DCDC2: variants seen among roughly 807,000 people sequenced by gnomAD.
The protein encoded by DCDC2 is doublecortin domain containing 2.
DCDC2 carries 40 observed loss-of-function variants against 50.2 expected under a neutral mutation model. That is an observed-to-expected ratio of 0.80 (90% CI 0.62 to 1.04). The LOEUF is 1.04. DCDC2 is among the 50% of genes least tolerant of loss of function. DCDC2 has a pLI of 0.00. For missense variants in DCDC2, 570 were observed against 581.9 expected (o/e 0.98, Z 0.21); for synonymous variants, 234 against 210.6 (o/e 1.11, Z -0.96).
intron 7 of DCDC2, among the ~76,000 whole-genome samples, chr6:24,266,255 T>G (rs1289336599): frequency 6.6e-6 from 1 of 152,088 alleles, no homozygotes; most frequent in Non-Finnish European, 1.5e-5. Context: ...AAGAAAACAT[T>G]GGGGAAACTC....
chr6:24,333,732 T>C (rs1760008126), intron 2 of DCDC2, among the ~76,000 whole-genome samples: 1 of 152,194 alleles, frequency 6.6e-6, no homozygotes, highest in South Asian at 2.1e-4. Context: ...AGTGTTTCCA[T>C]ATTCTGGATG....
At chr6:24,258,088 C>A (rs945670359) in intron 7 of DCDC2, among the ~76,000 whole-genome samples, 1 of 152,212 alleles carries the variant, frequency 6.6e-6, no homozygotes, top group Non-Finnish European at 1.5e-5. Flanking sequence ...TGGGTTCCTT[C>A]GGGTGGGTTC....
At chr6:24,264,535 A>T (rs1763077273) in intron 7 of DCDC2, among the ~76,000 whole-genome samples, 1 of 152,176 alleles carries the variant, frequency 6.6e-6, no homozygotes, top group Non-Finnish European at 1.5e-5. Flanking sequence ...TTTTGCAATT[A>T]GTGCTAAGTT....
At chr6:24,246,557 G>A (rs1263768410) in intron 7 of DCDC2, among the ~76,000 whole-genome samples, 1 of 124,536 alleles carries the variant, frequency 8.0e-6, no homozygotes, top group Non-Finnish European at 1.6e-5. Context: ...CGTGATCTCA[G>A]CTCACTACAA....
intron 7 of DCDC2, among the ~76,000 whole-genome samples, chr6:24,218,293 C>A (rs1370662008): frequency 6.6e-6 from 1 of 151,998 alleles, no homozygotes; most frequent in Non-Finnish European, 1.5e-5. Flanking sequence ...GAAGAAGATT[C>A]AAAATAGATC....
chr6:24,196,923 G>A (rs1171626759), intron 8 of DCDC2, among the ~76,000 whole-genome samples: 2 of 152,116 alleles, frequency 1.3e-5, no homozygotes, highest in Non-Finnish European at 2.9e-5. Flanking sequence ...CACACTTTTA[G>A]TTTTCCATAT....
Position 24,279,097 on chromosome 6 carries a change from C to T in DCDC2, c.760-886G>A, listed in dbSNP as rs549024634. 1.3e-3 allele frequency among the ~76,000 whole-genome samples: 205 copies of T among 152,286 alleles called. 1 individual carries two copies. The highest frequency in any genetic ancestry group is 3.9e-3 in the South Asian group (19 of 4,818). ...TCCACACAAAAGGGAGGTTGAGTTT[C>T]GGTGGCTTTTATCACTGGCCCAGTA... On this transcript the variant is annotated intron_variant, in intron 6 of 9. Transcript: ENST00000378454.
chr6:24,272,335 G>GA (rs1300814899), intron 7 of DCDC2, among the ~76,000 whole-genome samples: 1 of 152,104 alleles, frequency 6.6e-6, no homozygotes, highest in African/African-American at 2.4e-5. Flanking sequence ...ATGAAGGTGT[G>GA]AAAAAATGCT....
intron 7 of DCDC2, among the ~76,000 whole-genome samples, chr6:24,233,623 T>C (rs1762380693): frequency 6.6e-6 from 1 of 152,174 alleles, no homozygotes; most frequent in Non-Finnish European, 1.5e-5. Context: ...GCAGTTTAAT[T>C]AGAAATTCAC....
chr6:24,189,388 T>C (rs1684217597), intron 8 of DCDC2, among the ~76,000 whole-genome samples: 1 of 152,166 alleles, frequency 6.6e-6, no homozygotes, highest in Non-Finnish European at 1.5e-5. Context: ...CACAAAATAC[T>C]GAAAGCATCA....
At chr6:24,175,673 G>A (rs1760890040) in intron 9 of DCDC2, among the ~76,000 whole-genome samples, 1 of 152,108 alleles carries the variant, frequency 6.6e-6, no homozygotes, top group South Asian at 2.1e-4. Flanking sequence ...CTCAATAAAT[G>A]TCAATTGTTT....
intron 8 of DCDC2, among the ~76,000 whole-genome samples, chr6:24,192,143 C>G (rs1761326926): frequency 6.6e-6 from 1 of 152,150 alleles, no homozygotes; most frequent in South Asian, 2.1e-4. Flanking sequence ...AGGGAAACGA[C>G]TCAAGTATAG....
chr6:24,361,026 T>C (rs2792667), upstream of DCDC2, among the ~76,000 whole-genome samples: 150,537 of 152,282 alleles, frequency 0.99, 74,424 homozygotes, highest in Middle Eastern at 1. Flanking sequence ...ACCAGTCATA[T>C]CACTGTGAAA....
chr6:24,296,465 A>C (rs1759245733), intron 4 of DCDC2, among the ~76,000 whole-genome samples: 1 of 152,226 alleles, frequency 6.6e-6, no homozygotes, highest in Non-Finnish European at 1.5e-5. Context: ...ACAAAAGCAA[A>C]AATTTACCAA....
In DCDC2 at chr6:24,285,208, C is replaced by T. The variant is rs1054488520; in HGVS notation, c.759+3644G>A. On this transcript the variant is annotated intron_variant, in intron 6 of 9. Transcript: ENST00000378454. ...TGGAGTGGATGAATACAGGGTGCTACGGGAACACTGTGGAAAGAGGGACAA... is the reference window on the plus strand; with the variant it reads ...TGGAGTGGATGAATACAGGGTGCTATGGGAACACTGTGGAAAGAGGGACAA... Among the ~76,000 whole-genome samples the T allele has an allele frequency of 3.3e-5, 5 of 152,202 alleles. No individual in the cohort carries two copies. The East Asian group carries it at 5.8e-4, about 18-fold the overall frequency.
At chr6:24,335,392 A>C (rs2127243235) in intron 2 of DCDC2, among the ~76,000 whole-genome samples, 1 of 152,298 alleles carries the variant, frequency 6.6e-6, no homozygotes, top group South Asian at 2.1e-4. Flanking sequence ...GCAGAAACAA[A>C]AGATATGTGG....
At position 24,357,410 on chromosome 6, in the gene DCDC2, A is replaced by C. The variant is rs537828292; in HGVS notation, c.293+48T>G. 9.1e-6 allele frequency: 14 copies of C among 1,533,668 alleles called. No individual in the cohort carries two copies. The African/African-American group carries it at 1.8e-4, about 20-fold the overall frequency. On this transcript the variant is annotated intron_variant, in intron 1 of 9. Coordinates refer to ENST00000378454, the MANE Select transcript of DCDC2 (RefSeq NM_016356.5). ...ATCTGCATTTCTTCATATCAACCCCACACTATAGGGCACCTAAATGGGTGG... is the reference window on the plus strand; with the variant it reads ...ATCTGCATTTCTTCATATCAACCCCCCACTATAGGGCACCTAAATGGGTGG...
chr6:24,211,209 A>C (rs1312195863), intron 7 of DCDC2, among the ~76,000 whole-genome samples: 1 of 152,366 alleles, frequency 6.6e-6, no homozygotes, highest in South Asian at 2.1e-4. Context: ...GTAAGGAGCC[A>C]ACAACTTAGC....
intron 9 of DCDC2, among the ~76,000 whole-genome samples, chr6:24,177,414 G>A (rs1230076762): frequency 6.6e-6 from 1 of 152,148 alleles, no homozygotes. Flanking sequence ...TAAATCAGAT[G>A]CATCAATAAT....
Sources: allele counts gnomAD v4.1 joint callset (sites outside exome capture counted in the v4.1 genomes callset), GRCh38; gene constraint gnomAD v4.1.1; transcripts MANE v1.5; gene names NCBI Gene and HGNC (gene_info 2026-07-23, HGNC 2026-07-21).